SEL1L2: variants seen among roughly 807,000 people sequenced by gnomAD.
SEL1L2 encodes the protein SEL1L2 adaptor subunit of SYVN1 ubiquitin ligase, also known as protein sel-1 homolog 2.
SEL1L2 carries 89 observed loss-of-function variants against 98.8 expected under a neutral mutation model. That is an observed-to-expected ratio of 0.90 (90% confidence interval 0.76 to 1.07). SEL1L2 has a LOEUF of 1.07. SEL1L2 is among the 50% of genes least tolerant of loss of function. The pLI, the probability that SEL1L2 is intolerant of heterozygous loss-of-function variation, is 0.00. For missense variants in SEL1L2, 788 were observed against 812.0 expected (o/e 0.97, Z 0.36); for synonymous variants, 262 against 278.5 (o/e 0.94, Z 0.59).
intron 13 of SEL1L2, 129 bp downstream of exon 13, chr20:13,870,012 C>G: frequency 3.1e-6 from 2 of 638,172 alleles, no homozygotes; most frequent in South Asian, 4.4e-5. Context: ...TTATTTTATT[C>G]TCTATTATCT....
rs185966385 is a variant in SEL1L2 at position 13,905,477 on chromosome 20, A to G, written c.549+8305T>C. On this transcript the variant is annotated intron_variant, in intron 5 of 19. Transcript: ENST00000284951. ...AGGCACCAACCACCATGCCCGGCTA[A>G]TTTTTTGGTGTATTTTTTAGTAGAG... Among the ~76,000 whole-genome samples, 12 of 151,848 alleles carry G rather than the reference A, an allele frequency of 7.9e-5. No homozygotes were observed. In the East Asian group the frequency reaches 2.3e-3, roughly 30 times the overall value.
At chr20:13,912,982 G>A (rs1302930452) in intron 5 of SEL1L2, among the ~76,000 whole-genome samples, 1 of 152,200 alleles carries the variant, frequency 6.6e-6, no homozygotes, top group Admixed American at 6.5e-5. Context: ...TGCAGAAGGA[G>A]GTGAAAGGGT....
chr20:13,957,306 T>C (rs140399222), intron 1 of SEL1L2, among the ~76,000 whole-genome samples: 1,756 of 152,302 alleles, frequency 0.012, 26 homozygotes, highest in Middle Eastern at 0.065. Flanking sequence ...TTTGCCATGT[T>C]AGCCAGGCTG....
At chr20:13,870,410 C>A (rs1014850344) in intron 12 of SEL1L2, among the ~76,000 whole-genome samples, 1 of 152,188 alleles carries the variant, frequency 6.6e-6, no homozygotes, top group African/African-American at 2.4e-5. Flanking sequence ...AGAAGTCAAA[C>A]CTTTCCTCCA....
Position 13,865,330 on chromosome 20 carries a change from G to T in SEL1L2, c.1570+19C>A, listed in dbSNP as rs749966487. ...ATATGTATGATTGGGGGATTGCAGA[G>T]AATTTTAACTCATCTTACTAGATTC... On this transcript the variant is annotated intron_variant, in intron 16 of 19. Transcript: ENST00000284951. The T allele has an allele frequency of 1.2e-6, 2 of 1,613,002 alleles. No homozygotes were observed. Among genetic ancestry groups the T allele is most frequent in the Non-Finnish European group, 1.7e-6 (2 of 1,179,166 alleles).
intron 5 of SEL1L2, among the ~76,000 whole-genome samples, chr20:13,907,079 C>T (rs995109057): frequency 1.8e-4 from 28 of 152,274 alleles, no homozygotes; most frequent in African/African-American, 6.5e-4. Flanking sequence ...GGGAAACACT[C>T]ATATCTTTTT....
At chr20:13,906,870 A>C (rs1600699384) in intron 5 of SEL1L2, among the ~76,000 whole-genome samples, 1 of 151,882 alleles carries the variant, frequency 6.6e-6, no homozygotes, top group Admixed American at 6.6e-5. Context: ...GTAGAGACGG[A>C]GGTTCACCAT....
At chr20:13,936,005 C>T (rs1341058980) in intron 2 of SEL1L2, among the ~76,000 whole-genome samples, 1 of 152,022 alleles carries the variant, frequency 6.6e-6, no homozygotes, top group African/African-American at 2.4e-5. Flanking sequence ...ACAGCAAATG[C>T]AATAAAAGCA....
intron 1 of SEL1L2, among the ~76,000 whole-genome samples, chr20:13,986,209 GT>G (rs2052175409): frequency 6.6e-6 from 1 of 152,118 alleles, no homozygotes; most frequent in African/African-American, 2.4e-5. Context: ...TTGCCAGACT[GT>G]TTACCAAAGC....
At chr20:13,851,473 T>G (rs1052726140) in intron 18 of SEL1L2, 2 of 152,150 alleles carry the variant, frequency 1.3e-5, no homozygotes, top group African/African-American at 2.4e-5. Context: ...TACAGGATGA[T>G]GAAGAAACTA....
At chr20:13,892,309 A>AGG (rs368989910) in intron 5 of SEL1L2, among the ~76,000 whole-genome samples, 13,609 of 151,956 alleles carry the variant, frequency 0.09, 708 homozygotes, top group African/African-American at 0.14. Context: ...ATCAGCCACC[A>AGG]TATGATGGCA....
upstream of SEL1L2, among the ~76,000 whole-genome samples, chr20:13,994,149 A>T (rs2052586181): frequency 1.3e-5 from 2 of 152,064 alleles, no homozygotes; most frequent in South Asian, 4.1e-4. Context: ...ATACAAAATT[A>T]GCCAGGCATG....
chr20:13,858,287 C>T (rs921968895), intron 18 of SEL1L2, among the ~76,000 whole-genome samples: 4 of 152,238 alleles, frequency 2.6e-5, no homozygotes, highest in African/African-American at 7.2e-5. Flanking sequence ...ATAATTCCCA[C>T]GTTATTTGGC....
chr20:13,937,185 C>A (rs1483670715), intron 2 of SEL1L2, among the ~76,000 whole-genome samples: 2 of 152,216 alleles, frequency 1.3e-5, no homozygotes, highest in Admixed American at 6.5e-5. Flanking sequence ...TCCTCAGTAT[C>A]ACTGTGACCC....
chr20:13,885,445 A>T (rs775153069), intron 9 of SEL1L2, 42 bp from the exon 10 acceptor site: 63 of 1,277,350 alleles, frequency 4.9e-5, no homozygotes, highest in Non-Finnish European at 6.9e-5. Context: ...CAGCAGTATT[A>T]CTTTAAATAA....
chr20:13,851,885 C>T (rs1481084203), intron 18 of SEL1L2, among the ~76,000 whole-genome samples: 1 of 152,084 alleles, frequency 6.6e-6, no homozygotes, highest in Non-Finnish European at 1.5e-5. Context: ...TGTCTTCTCT[C>T]AGCTGTGTTC....
intron 3 of SEL1L2, among the ~76,000 whole-genome samples, chr20:13,923,019 C>T (rs2048729885): frequency 6.6e-6 from 1 of 152,048 alleles, no homozygotes; most frequent in Admixed American, 6.6e-5. Context: ...TGTTACATCC[C>T]GAGTCTGTTA....
chr20:13,948,312 CT>C (rs2050111400), intron 2 of SEL1L2, among the ~76,000 whole-genome samples: 1 of 151,686 alleles, frequency 6.6e-6, no homozygotes, highest in African/African-American at 2.4e-5. Flanking sequence ...CCAAAACAAT[CT>C]TGAAAAAGAA....
chr20:13,923,091 G>T (rs2048732540), intron 3 of SEL1L2, among the ~76,000 whole-genome samples: 1 of 152,134 alleles, frequency 6.6e-6, no homozygotes, highest in African/African-American at 2.4e-5. Context: ...TTATTTCTTA[G>T]TGGCCATAAA....
Sources: gnomAD v4.1 joint callset for allele counts (sites outside exome capture counted in the v4.1 genomes callset) on GRCh38, gnomAD v4.1.1 for gene constraint, MANE v1.5 for transcripts, NCBI Gene and HGNC (gene_info 2026-07-23, HGNC 2026-07-21) for gene names.